Variants in SS18L1 observed in about 807,000 individuals in gnomAD.
SS18L1 encodes the protein SS18L1 subunit of BAF chromatin remodeling complex.
SS18L1 carries 32 observed loss-of-function variants against 70.3 expected under a neutral mutation model. That is an observed-to-expected ratio of 0.46 (90% CI 0.34 to 0.61). The LOEUF (loss-of-function observed/expected upper bound fraction) is 0.61. SS18L1 is among the 20% of genes least tolerant of loss of function. The pLI, the probability that SS18L1 is intolerant of heterozygous loss-of-function variation, is 0.01. For synonymous variants in SS18L1, 237 were observed against 229.7 expected, an observed-to-expected ratio of 1.03 and a Z score of -0.29; for missense variants, 430 against 542.1, an observed-to-expected ratio of 0.79 and a Z score of 2.05.
At chr20:62,152,799 G>A (rs2145708111) in intron 1 of SS18L1, among the ~76,000 whole-genome samples, 1 of 152,310 alleles carries the variant, frequency 6.6e-6, no homozygotes, top group Admixed American at 6.5e-5. Flanking sequence ...TTGTCTTAGA[G>A]ATTTTCATAA....
chr20:62,165,111 C>T (rs1414580017), intron 7 of SS18L1, among the ~76,000 whole-genome samples: 2 of 152,236 alleles, frequency 1.3e-5, no homozygotes, highest in Non-Finnish European at 2.9e-5. Flanking sequence ...CTCCCAGGAG[C>T]TAGCGGTGGC....
At chr20:62,178,037 T>TTTTA (rs1290772431) in intron 10 of SS18L1, among the ~76,000 whole-genome samples, 3 of 144,930 alleles carry the variant, frequency 2.1e-5, no homozygotes, top group African/African-American at 8.0e-5. Context: ...TTTTTTTTTT[T>TTTTA]AAGACAGGGT....
Position 62,182,165 on chromosome 20 carries a change from T to C in SS18L1, c.*2957T>C. The C allele has an allele frequency of 4.4e-6, 1 of 225,230 alleles. No individual in the cohort carries two copies. The highest frequency in any genetic ancestry group is 8.8e-6 in the Non-Finnish European group (1 of 113,082). 14.0% of individuals were successfully genotyped at this position (225,230 alleles called of 1,614,324 possible). On this transcript the variant is annotated 3_prime_UTR_variant, in exon 11 of 11. Transcript: ENST00000331758. ...AAGGTGGACAAGATCTCCTAAGATC[T>C]GAAAAGAAACCTTAATACGCTCATA...
rs77927315 is a variant in SS18L1 at position 62,156,558 on chromosome 20, A to C, written c.70-2114A>C. ...ATAGAGCAGGAGAAACCAACCCTGA[A>C]GTCGTGGAGACCGGCGGAGGAGGAA... is the stretch of plus-strand genomic sequence containing the variant. On this transcript the variant is annotated intron_variant, in intron 1 of 10. Transcript: ENST00000331758. 7.4e-3 allele frequency among the ~76,000 whole-genome samples: 1,131 copies of C among 152,364 alleles called. 33 individuals carry two copies. The highest frequency in any genetic ancestry group is 0.069 in the South Asian group (335 of 4,832).
At position 62,159,735 on chromosome 20, in the gene SS18L1, C is replaced by T. The variant is rs1300628039; in HGVS notation, c.147-142C>T. On this transcript the variant is annotated intron_variant, in intron 2 of 10. Coordinates refer to ENST00000331758, the MANE Select transcript of SS18L1 (RefSeq NM_198935.3). The surrounding 1 kb of genome is among the most constrained non-coding windows in gnomAD (Gnocchi z 4.4). ...CACCCTGCCACCTGCCTGTGTCCAG[C>T]TGGGTGTCATCTGGGGTCCATGTCC... is the stretch of plus-strand genomic sequence containing the variant. 5.3e-6 allele frequency: 4 copies of T among 752,408 alleles called. No homozygotes were observed. Among genetic ancestry groups the T allele is most frequent in the African/African-American group, 3.5e-5 (2 of 57,230 alleles). 46.6% of individuals were successfully genotyped at this position (752,408 alleles called of 1,614,324 possible).
At chr20:62,178,016 CTTTTTTTTTTTTTTTTTTTTTAA>C in intron 10 of SS18L1, among the ~76,000 whole-genome samples, 1 of 101,372 alleles carries the variant, frequency 9.9e-6, no homozygotes, top group East Asian at 2.9e-4. Context: ...TGTGCCTGGC[CTTTTTTTTTTTTTTTTTTTTTAA>C]GACAGGGTCT....
At chr20:62,148,592 G>A (rs905251516) in intron 1 of SS18L1, among the ~76,000 whole-genome samples, 2 of 150,428 alleles carry the variant, frequency 1.3e-5, no homozygotes, top group Admixed American at 6.6e-5. Context: ...CCTCCTTGCT[G>A]TCTTCGGTCA....
rs997546072 is a variant in SS18L1, at chr20:62,174,968, G to A, written c.1164+324G>A. The A allele has an allele frequency of 7.5e-6, 7 of 939,252 alleles. No homozygotes were observed. Among genetic ancestry groups the A allele is most frequent in the South Asian group, 4.9e-5 (1 of 20,376 alleles). The allele number at this position is 939,252 out of a possible 1,614,324, so 58.2% of individuals were successfully genotyped here. A position where few individuals can be genotyped will look rare whatever the true frequency, so the allele number is the denominator to read the frequency against. On this transcript the variant is annotated intron_variant, in intron 10 of 10. Coordinates refer to ENST00000331758, the MANE Select transcript of SS18L1 (RefSeq NM_198935.3). This position sits in a 1 kb window ranked among gnomAD's most constrained non-coding sequence, Gnocchi z 4.1. Reference sequence around the variant, plus strand: ...TGCTGAGTGCTTGGTGTGTGGCCGCGACACGAACCCTGCACTTTTAGAGCT... The same window carrying A: ...TGCTGAGTGCTTGGTGTGTGGCCGCAACACGAACCCTGCACTTTTAGAGCT...
Position 62,162,885 on chromosome 20 carries a change from C to T in SS18L1, c.510C>T (p.Ile170=), listed in dbSNP as rs375902112. 2.6e-5 allele frequency: 42 copies of T among 1,612,814 alleles called. 1 individual carries two copies. In the Middle Eastern group the frequency reaches 9.9e-4, roughly 38 times the overall value. Residue 170 remains isoleucine, a synonymous_variant, in exon 5 of 11, where the codon ATC becomes ATT. Coordinates refer to ENST00000331758, the MANE Select transcript of SS18L1 (RefSeq NM_198935.3). ...QGVPMQGQGT[I]GNYVSRTNIN... Reference sequence around the variant, plus strand: ...TCCCCATGCAGGGGCAAGGCACCATCGGCAACTACGTGTCTCGGACCAACA... The same window carrying T: ...TCCCCATGCAGGGGCAAGGCACCATTGGCAACTACGTGTCTCGGACCAACA...
chr20:62,146,405 C>T (rs2057026633), intron 1 of SS18L1, among the ~76,000 whole-genome samples: 1 of 152,128 alleles, frequency 6.6e-6, no homozygotes, highest in African/African-American at 2.4e-5. Context: ...CAGATGCGTT[C>T]GTGTCCTGTG....
intron 8 of SS18L1, among the ~76,000 whole-genome samples, chr20:62,166,423 G>T (rs2057432695): frequency 6.6e-6 from 1 of 152,222 alleles, no homozygotes. Flanking sequence ...TTCCTTGTTT[G>T]GGTTACTTCT....
In SS18L1 at chr20:62,174,588, C is replaced by G; in HGVS notation, c.1108C>G (p.Arg370Gly). The G allele has an allele frequency of 1.9e-6, 3 of 1,613,792 alleles. No homozygotes were observed. Among genetic ancestry groups the G allele is most frequent in the Non-Finnish European group, 2.5e-6 (3 of 1,180,026 alleles). ...QGQGQQYGSY[R>G]APQTAPSAQQ... ...CCAAGGCCAGCAGTACGGAAGCTAC[C>G]GAGCACCGCAGACAGCGCCGTCTGC... The change falls in exon 10 of 11, where the codon CGA (arginine) becomes GGA (glycine). Residue 370 changes from arginine to glycine, a missense_variant. Transcript: ENST00000331758. This position sits in a 1 kb window ranked among gnomAD's most constrained non-coding sequence, Gnocchi z 4.1.
At chr20:62,148,602 A>G (rs2057075011) in intron 1 of SS18L1, among the ~76,000 whole-genome samples, 1 of 151,874 alleles carries the variant, frequency 6.6e-6, no homozygotes, top group Non-Finnish European at 1.5e-5. Context: ...GTCTTCGGTC[A>G]GGTGAGGGAG....
In SS18L1 at chr20:62,158,833, C is replaced by G; in HGVS notation, c.146+85C>G. The G allele has an allele frequency of 6.2e-7, 1 of 1,611,444 alleles. No individual in the cohort carries two copies. Among genetic ancestry groups the G allele is most frequent in the Non-Finnish European group, 8.5e-7 (1 of 1,179,216 alleles). On this transcript the variant is annotated intron_variant, in intron 2 of 10. Coordinates refer to ENST00000331758, the MANE Select transcript of SS18L1 (RefSeq NM_198935.3). The surrounding 1 kb of genome is among the most constrained non-coding windows in gnomAD (Gnocchi z 4.5). Reference sequence around the variant, plus strand: ...GGCCAGATACGTCCCAAGAGTCCCCCAGCACAGAGATCAGATAAGTCCCAG... The same window carrying G: ...GGCCAGATACGTCCCAAGAGTCCCCGAGCACAGAGATCAGATAAGTCCCAG...
intron 1 of SS18L1, among the ~76,000 whole-genome samples, chr20:62,145,160 C>G (rs959979278): frequency 3.3e-5 from 5 of 152,252 alleles, no homozygotes; most frequent in African/African-American, 9.6e-5. Flanking sequence ...TTAGTAAACA[C>G]TTATGTGGCG....
rs202204022 is a variant in SS18L1 at position 62,158,737 on chromosome 20, C to T, written c.135C>T (p.Ala45=). ...AGTACCAGAGCAAGGGCAAGACGGC[C>T]GAGTGCACGCAGTGAGTGCCCGCCA... ...ILEYQSKGKT[A]ECTQYQQILH... The change falls in exon 2 of 11, where the codon GCC becomes GCT. Residue 45 remains alanine (A), a synonymous_variant. Coordinates refer to ENST00000331758, the MANE Select transcript of SS18L1 (RefSeq NM_198935.3). This position sits in a 1 kb window ranked among gnomAD's most constrained non-coding sequence, Gnocchi z 4.5. The T allele has an allele frequency of 1.2e-4, 191 of 1,612,856 alleles. No individual in the cohort carries two copies. The highest frequency in any genetic ancestry group is 1.4e-4 in the South Asian group (13 of 91,090).
At chr20:62,144,826 A>T (rs1274779836) in intron 1 of SS18L1, among the ~76,000 whole-genome samples, 1 of 152,244 alleles carries the variant, frequency 6.6e-6, no homozygotes, top group Non-Finnish European at 1.5e-5. Context: ...TGTTGGAATG[A>T]CATTGGTTTT....
At position 62,180,573 on chromosome 20, in the gene SS18L1, T is replaced by G. The variant is rs923238072; in HGVS notation, c.*1365T>G. 6 of 177,510 alleles carry G rather than the reference T, an allele frequency of 3.4e-5. No homozygotes were observed. The highest frequency in any genetic ancestry group is 1.4e-4 in the African/African-American group (6 of 42,288). 11.0% of individuals were successfully genotyped at this position (177,510 alleles called of 1,614,324 possible). A position where few individuals can be genotyped will look rare whatever the true frequency, so the allele number is the denominator to read the frequency against. On this transcript the variant is annotated 3_prime_UTR_variant, in exon 11 of 11. Coordinates refer to ENST00000331758, the MANE Select transcript of SS18L1 (RefSeq NM_198935.3). ...TATATGAGGCCTAGTAATAACGATA[T>G]TTCTCTTTAATTGATGTTTTGTTTT...
At chr20:62,176,191 G>A (rs2057616807) in intron 10 of SS18L1, among the ~76,000 whole-genome samples, 1 of 152,164 alleles carries the variant, frequency 6.6e-6, no homozygotes, top group Non-Finnish European at 1.5e-5. Context: ...TTATAAGACT[G>A]AACCAGAGGA....
Sources: gnomAD v4.1 joint callset for allele counts (sites outside exome capture counted in the v4.1 genomes callset) on GRCh38, gnomAD v4.1.1 for gene constraint, Gnocchi (gnomAD v3.1) non-coding constraint, MANE v1.5 for transcripts, NCBI Gene and HGNC (gene_info 2026-07-23, HGNC 2026-07-21) for gene names.